Variants in TTC28 observed in about 807,000 individuals in gnomAD.
The protein encoded by TTC28 is tetratricopeptide repeat protein 28.
TTC28 carries 61 observed loss-of-function variants against 198.0 expected under a neutral mutation model. The ratio of observed to expected loss-of-function variants is 0.31; its 90% CI spans 0.25 to 0.38. The LOEUF (loss-of-function observed/expected upper bound fraction) is 0.38, where lower values mean the gene tolerates loss of function less well. Among genes scored for constraint, TTC28 ranks in the 10% least tolerant of loss-of-function variants. The probability of loss-of-function intolerance (pLI) is 1.00; values close to 1 mark genes in which losing one functional copy is unlikely to be tolerated. For synonymous variants in TTC28, 1,171 were observed against 1,297.8 expected, an observed-to-expected ratio of 0.90 and a Z score of 2.10; for missense variants, 2,678 against 3,164.0, an observed-to-expected ratio of 0.85 and a Z score of 3.69.
intron 5 of TTC28, among the ~76,000 whole-genome samples, chr22:28,219,800 A>G (rs1305627142): frequency 1.3e-5 from 2 of 152,196 alleles, no homozygotes; most frequent in South Asian, 2.1e-4. Flanking sequence ...TGCGTTAGAA[A>G]ATGTTTGTAT....
intron 12 of TTC28, among the ~76,000 whole-genome samples, chr22:28,072,631 C>G (rs534876674): frequency 1.3e-5 from 2 of 152,144 alleles, no homozygotes; most frequent in South Asian, 2.1e-4. Flanking sequence ...CTCTTACCCC[C>G]CTGTGTAAGC....
At chr22:28,471,227 T>C (rs1169629385) in intron 2 of TTC28, among the ~76,000 whole-genome samples, 1 of 152,214 alleles carries the variant, frequency 6.6e-6, no homozygotes, top group Non-Finnish European at 1.5e-5. Flanking sequence ...TATCCTTCCA[T>C]GTAGTACCTT....
chr22:28,011,523 G>A (rs1157887566), intron 14 of TTC28, among the ~76,000 whole-genome samples: 5 of 152,174 alleles, frequency 3.3e-5, no homozygotes, highest in Non-Finnish European at 7.3e-5. Flanking sequence ...TTGAGCCTGG[G>A]AGGTCGAGGC....
At chr22:28,552,645 A>G (rs1270433314) in intron 2 of TTC28, among the ~76,000 whole-genome samples, 1 of 152,184 alleles carries the variant, frequency 6.6e-6, no homozygotes, top group East Asian at 1.9e-4. Context: ...GACCTATTCA[A>G]CAAAAGGTGC....
At chr22:28,125,387 G>A (rs141914648) in intron 6 of TTC28, among the ~76,000 whole-genome samples, 78 of 152,192 alleles carry the variant, frequency 5.1e-4, no homozygotes, top group African/African-American at 1.7e-3. Flanking sequence ...TACTACAGGC[G>A]GCATCAGGGA....
At chr22:28,413,241 C>T (rs1276936918) in intron 2 of TTC28, among the ~76,000 whole-genome samples, 1 of 152,032 alleles carries the variant, frequency 6.6e-6, no homozygotes, top group African/African-American at 2.4e-5. Flanking sequence ...CAAGACCATC[C>T]TGGCTAACAA....
intron 2 of TTC28, among the ~76,000 whole-genome samples, chr22:28,421,081 G>A (rs2047245820): frequency 6.6e-6 from 1 of 152,062 alleles, no homozygotes; most frequent in African/African-American, 2.4e-5. Context: ...ACCTTATTCT[G>A]CTATAGAGTT....
At chr22:28,200,060 A>G (rs1925790556) in intron 5 of TTC28, among the ~76,000 whole-genome samples, 1 of 152,152 alleles carries the variant, frequency 6.6e-6, no homozygotes, top group Non-Finnish European at 1.5e-5. Flanking sequence ...AAGAAAATTA[A>G]AAAGAAATAA....
chr22:28,090,432 A>C (rs1941778349), intron 12 of TTC28, among the ~76,000 whole-genome samples: 2 of 152,296 alleles, frequency 1.3e-5, no homozygotes, highest in Admixed American at 1.3e-4. Context: ...TAACATTCTG[A>C]ATAGATATAA....
At chr22:28,152,103 A>T (rs1260143370) in intron 6 of TTC28, among the ~76,000 whole-genome samples, 2 of 152,196 alleles carry the variant, frequency 1.3e-5, no homozygotes, top group African/African-American at 4.8e-5. Context: ...CTTTACTTTT[A>T]TGCCAACCAC....
At chr22:28,279,648 G>A (rs1209791390) in intron 5 of TTC28, among the ~76,000 whole-genome samples, 1 of 152,188 alleles carries the variant, frequency 6.6e-6, no homozygotes, top group Non-Finnish European at 1.5e-5. Context: ...GGGATTACAG[G>A]TGTGAGACAC....
intron 2 of TTC28, among the ~76,000 whole-genome samples, chr22:28,458,051 A>C (rs1016303463): frequency 6.6e-6 from 1 of 152,066 alleles, no homozygotes; most frequent in Non-Finnish European, 1.5e-5. Context: ...TAGAACGCTA[A>C]GTGAAATGCT....
At chr22:28,466,765 C>G (rs994473484) in intron 2 of TTC28, among the ~76,000 whole-genome samples, 14 of 151,412 alleles carry the variant, frequency 9.2e-5, no homozygotes, top group Non-Finnish European at 2.1e-4. Context: ...CTAGCATAAG[C>G]CCCCTTATTT....
At chr22:28,211,838 G>C (rs1190850220) in intron 5 of TTC28, among the ~76,000 whole-genome samples, 2 of 152,124 alleles carry the variant, frequency 1.3e-5, no homozygotes, top group Non-Finnish European at 2.9e-5. Context: ...ATTCTTCTCA[G>C]CACCATATCG....
At chr22:28,526,385 A>G (rs1343278892) in intron 2 of TTC28, among the ~76,000 whole-genome samples, 1 of 152,250 alleles carries the variant, frequency 6.6e-6, no homozygotes, top group Non-Finnish European at 1.5e-5. Flanking sequence ...AAGGATAAAC[A>G]TTACAAATTC....
chr22:28,029,693 G>A (rs1471480033), intron 13 of TTC28, among the ~76,000 whole-genome samples: 1 of 152,194 alleles, frequency 6.6e-6, no homozygotes, highest in Non-Finnish European at 1.5e-5. Context: ...AGCCATTAAG[G>A]CCTATTTGGT....
At chr22:28,639,473 C>T (rs2051327848) in intron 1 of TTC28, among the ~76,000 whole-genome samples, 1 of 152,286 alleles carries the variant, frequency 6.6e-6, no homozygotes, top group South Asian at 2.1e-4. Flanking sequence ...TAGTTGTGTA[C>T]TGATATGGTT....
chr22:28,671,583 C>G (rs918032037), intron 1 of TTC28, among the ~76,000 whole-genome samples: 1 of 146,308 alleles, frequency 6.8e-6, no homozygotes, highest in African/African-American at 2.6e-5. Context: ...TGCAATGAGC[C>G]GAGATCGCAC....
intron 2 of TTC28, among the ~76,000 whole-genome samples, chr22:28,595,247 A>G (rs1053500973): frequency 2.6e-5 from 4 of 152,192 alleles, no homozygotes; most frequent in Admixed American, 1.3e-4. Flanking sequence ...CTTGAGGGCA[A>G]TATTACCACC....
Sources: allele counts gnomAD v4.1 joint callset (sites outside exome capture counted in the v4.1 genomes callset), GRCh38; gene constraint gnomAD v4.1.1; transcripts MANE v1.5; gene names NCBI Gene and HGNC (gene_info 2026-07-23, HGNC 2026-07-21).